Variants in RERG observed in about 807,000 individuals in gnomAD.
RERG encodes the protein RAS like estrogen regulated growth inhibitor.
Under a neutral mutation model 23.2 loss-of-function variants are expected in RERG, and 25 were observed. The ratio of observed to expected loss-of-function variants is 1.08; its 90% CI spans 0.79 to 1.50. The LOEUF (loss-of-function observed/expected upper bound fraction) is 1.50, where lower values mean the gene tolerates loss of function less well. Ranked by LOEUF, RERG falls within the 40% of genes most tolerant of loss-of-function variation. RERG has a pLI of 0.00. For missense variants in RERG, 253 were observed against 250.1 expected, an observed-to-expected ratio of 1.01 and a Z score of -0.08; for synonymous variants, 81 against 89.1, an observed-to-expected ratio of 0.91 and a Z score of 0.51.
At chr12:15,116,328 G>C (rs928126218) in intron 3 of RERG, among the ~76,000 whole-genome samples, 18 of 152,190 alleles carry the variant, frequency 1.2e-4, no homozygotes, top group Non-Finnish European at 2.4e-4. Context: ...CTGGAAAACA[G>C]AGTTCTGGGC....
chr12:15,174,418 A>C (rs1864817677), intron 2 of RERG, among the ~76,000 whole-genome samples: 1 of 151,622 alleles, frequency 6.6e-6, no homozygotes, highest in Non-Finnish European at 1.5e-5. Context: ...TGAAAATTTG[A>C]CTATAATAAT....
intron 2 of RERG, among the ~76,000 whole-genome samples, chr12:15,185,973 A>G (rs1008555680): frequency 4.6e-5 from 7 of 152,142 alleles, no homozygotes; most frequent in African/African-American, 1.7e-4. Context: ...TGAGAATACT[A>G]TGAAGCAAAT....
intron 2 of RERG, among the ~76,000 whole-genome samples, chr12:15,215,135 A>T (rs964471608): frequency 1.7e-4 from 26 of 152,380 alleles, no homozygotes; most frequent in African/African-American, 5.0e-4. Flanking sequence ...TAGAGAAAAC[A>T]GTCCAAAGAA....
intron 2 of RERG, among the ~76,000 whole-genome samples, chr12:15,149,013 C>T (rs965669731): frequency 2.0e-5 from 3 of 151,378 alleles, no homozygotes; most frequent in Non-Finnish European, 3.0e-5. Flanking sequence ...GGACTACAGG[C>T]GCCCGCCACC....
Position 15,109,332 on chromosome 12 carries a change from C to T in RERG, c.378G>A (p.Arg126=), listed in dbSNP as rs1863558658. ...TCTCTCCTTCTTCTGTGCTAACCTG[C>T]CTGGAGTGGTCCAAGTCAGCTTTGT... is the stretch of plus-strand genomic sequence containing the variant. ...VGNKADLDHS[R]QVSTEEGEKL... is the part of the protein sequence containing the mutation. The change falls in exon 5 of 5, where the codon AGG becomes AGA. Residue 126 remains arginine (R), a synonymous_variant. Transcript: ENST00000256953. The T allele has an allele frequency of 6.2e-7, 1 of 1,614,070 alleles. No individual in the cohort carries two copies. The highest frequency in any genetic ancestry group is 8.5e-7 in the Non-Finnish European group (1 of 1,180,008).
At chr12:15,172,728 C>CT (rs1373209785) in intron 2 of RERG, among the ~76,000 whole-genome samples, 1 of 152,010 alleles carries the variant, frequency 6.6e-6, no homozygotes, top group East Asian at 1.9e-4. Flanking sequence ...TCCCTAATGG[C>CT]TAATCAATGT....
chr12:15,154,485 A>C (rs1864492373), intron 2 of RERG: 6 of 152,258 alleles, frequency 3.9e-5, no homozygotes. Flanking sequence ...TCTAATAATC[A>C]GAAAAGAATC....
chr12:15,149,469 A>G (rs1221886108), intron 2 of RERG, among the ~76,000 whole-genome samples: 1 of 152,206 alleles, frequency 6.6e-6, no homozygotes, highest in Non-Finnish European at 1.5e-5. Flanking sequence ...GATACATGAA[A>G]GCACAAGACA....
intron 1 of RERG, among the ~76,000 whole-genome samples, chr12:15,220,204 T>C (rs757478922): frequency 1.1e-4 from 16 of 152,242 alleles, no homozygotes; most frequent in Non-Finnish European, 1.6e-4. Context: ...CCATTTGTCC[T>C]AATGTTCTGC....
chr12:15,215,903 G>C (rs1865435391), intron 2 of RERG, among the ~76,000 whole-genome samples: 1 of 152,128 alleles, frequency 6.6e-6, no homozygotes. Context: ...GGTTCTCTCA[G>C]CTGAGTTTTC....
chr12:15,119,500 A>G (rs1474126882), intron 3 of RERG, among the ~76,000 whole-genome samples: 4 of 152,182 alleles, frequency 2.6e-5, no homozygotes, highest in South Asian at 2.1e-4. Context: ...TAAGATTCTC[A>G]GATAATCTAT....
intron 2 of RERG, among the ~76,000 whole-genome samples, chr12:15,193,540 C>T (rs1417461477): frequency 2.6e-5 from 4 of 152,160 alleles, no homozygotes; most frequent in Non-Finnish European, 5.9e-5. Flanking sequence ...TCTGAGAACA[C>T]TGTGATGGCT....
rs983016250 is a variant in RERG, at chr12:15,120,387, C to T, written c.118+676G>A. 4.6e-5 allele frequency among the ~76,000 whole-genome samples: 7 copies of T among 151,846 alleles called. No homozygotes were observed. In the East Asian group the frequency reaches 5.8e-4, roughly 13 times the overall value. ...CCAGAACACTTTGACACACAGAAGG[C>T]GCTTGATAAACATTTGTAGAATGAA... is the stretch of plus-strand genomic sequence containing the variant. On this transcript the variant is annotated intron_variant, in intron 3 of 4. Transcript: ENST00000256953.
At chr12:15,152,530 G>A (rs1864459902) in intron 2 of RERG, among the ~76,000 whole-genome samples, 1 of 152,172 alleles carries the variant, frequency 6.6e-6, no homozygotes, top group Non-Finnish European at 1.5e-5. Context: ...TGTCCTGCCT[G>A]AGCCAAGATA....
At chr12:15,142,552 G>T (rs1864254934) in intron 2 of RERG, among the ~76,000 whole-genome samples, 1 of 152,092 alleles carries the variant, frequency 6.6e-6, no homozygotes, top group Admixed American at 6.6e-5. Flanking sequence ...TAGCTACATG[G>T]TTGATATGGC....
chr12:15,219,700 A>G (rs1447937317), intron 1 of RERG, among the ~76,000 whole-genome samples: 1 of 152,248 alleles, frequency 6.6e-6, no homozygotes, highest in Non-Finnish European at 1.5e-5. Flanking sequence ...TCTTTGAAAC[A>G]TTGAACACGC....
At chr12:15,211,284 T>TACACACACACACAC (rs56263472) in intron 2 of RERG, among the ~76,000 whole-genome samples, 20 of 142,866 alleles carry the variant, frequency 1.4e-4, no homozygotes, top group Non-Finnish European at 1.8e-4. Flanking sequence ...TGTCATTTTA[T>TACACACACACACAC]ACACACACAC....
chr12:15,133,778 G>A (rs1428219739), intron 2 of RERG, among the ~76,000 whole-genome samples: 2 of 145,024 alleles, frequency 1.4e-5, no homozygotes, highest in Non-Finnish European at 3.0e-5. Flanking sequence ...TGTTGTCAGT[G>A]TTTTGGATTT....
rs748888112 is a variant in RERG, at chr12:15,217,496, T to G, written c.-7A>C. 6.2e-7 allele frequency: 1 copy of G among 1,608,040 alleles called. No individual in the cohort carries two copies. Among genetic ancestry groups the G allele is most frequent in the Non-Finnish European group, 8.5e-7 (1 of 1,174,534 alleles). On this transcript the variant is annotated 5_prime_UTR_variant, in exon 2 of 5. Transcript: ENST00000256953. ...CCTCCGCACTTTTAGCCATGATGGG[T>G]GTTGGTAGACAATTTACTGTTGTTA...
Sources: gnomAD v4.1 joint callset for allele counts (sites outside exome capture counted in the v4.1 genomes callset) on GRCh38, gnomAD v4.1.1 for gene constraint, MANE v1.5 for transcripts, NCBI Gene and HGNC (gene_info 2026-07-23, HGNC 2026-07-21) for gene names.